The following BARD1 variants were observed in gnomAD, a reference collection of about 807,000 sequenced individuals.
BARD1 encodes the protein BRCA1-associated RING domain protein 1.
Under a neutral mutation model 77.0 loss-of-function variants are expected in BARD1, and 73 were observed. The ratio of observed to expected loss-of-function variants is 0.95; its 90% confidence interval spans 0.79 to 1.15. The LOEUF is 1.15. Among genes scored for constraint, BARD1 ranks in the 50% most tolerant of loss-of-function variants. BARD1 has a pLI of 0.00. For synonymous variants in BARD1, 384 were observed against 338.0 expected, an observed-to-expected ratio of 1.14 and a Z score of -1.49; for missense variants, 993 against 938.8, an observed-to-expected ratio of 1.06 and a Z score of -0.75.
chr2:214,776,473 T>C (rs1694742219), intron 4 of BARD1, among the ~76,000 whole-genome samples: 2 of 152,188 alleles, frequency 1.3e-5, no homozygotes, highest in South Asian at 2.1e-4. Flanking sequence ...CAGTTTAACA[T>C]AGCTGATGCA....
chr2:214,730,649 C>A lies in BARD1; in HGVS notation c.1904-141G>T, dbSNP rs527409471. The A allele has an allele frequency of 4.3e-6, 3 of 704,180 alleles. No homozygotes were observed. In the Admixed American group the frequency reaches 7.0e-5, roughly 16 times the overall value. 43.6% of individuals were successfully genotyped at this position (704,180 alleles called of 1,614,324 possible). A position where few individuals can be genotyped will look rare whatever the true frequency, so the allele number is the denominator to read the frequency against. ...ATTATTCTAAAATGCAAACAGAAATCTTACTTATGCCAAAACAAAATGTAA... is the reference window on the plus strand; with the variant it reads ...ATTATTCTAAAATGCAAACAGAAATATTACTTATGCCAAAACAAAATGTAA... On this transcript the variant is annotated intron_variant, in intron 9 of 10. Coordinates refer to ENST00000260947, the MANE Select transcript of BARD1 (RefSeq NM_000465.4).
chr2:214,765,780 C>T (rs900215817), intron 6 of BARD1, among the ~76,000 whole-genome samples: 4 of 151,916 alleles, frequency 2.6e-5, no homozygotes, highest in Admixed American at 6.6e-5. Flanking sequence ...AAATAAAAAC[C>T]GGAAGAATAT....
chr2:214,740,087 C>T (rs915807460), intron 9 of BARD1, among the ~76,000 whole-genome samples: 2 of 151,586 alleles, frequency 1.3e-5, no homozygotes, highest in Non-Finnish European at 3.0e-5. Flanking sequence ...GGTTAAAAAC[C>T]GAACACAGTC....
At chr2:214,807,606 T>G (rs962636936) in intron 1 of BARD1, among the ~76,000 whole-genome samples, 1 of 152,228 alleles carries the variant, frequency 6.6e-6, no homozygotes, top group Non-Finnish European at 1.5e-5. Flanking sequence ...TATTGTCTGC[T>G]TTGTTCACTA....
chr2:214,752,279 C>T (rs112174485), intron 7 of BARD1, among the ~76,000 whole-genome samples, 168 bp downstream of exon 7: 6 of 152,058 alleles, frequency 3.9e-5, no homozygotes, highest in South Asian at 2.1e-4. Flanking sequence ...TCTAGATGGT[C>T]GTACTGTGAT....
At chr2:214,756,063 C>T (rs926210983) in intron 6 of BARD1, among the ~76,000 whole-genome samples, 22 of 152,040 alleles carry the variant, frequency 1.4e-4, no homozygotes, top group Non-Finnish European at 2.4e-4. Flanking sequence ...ATATACTTTA[C>T]CTATACTGAT....
At chr2:214,738,245 C>T (rs1235294742) in intron 9 of BARD1, among the ~76,000 whole-genome samples, 3 of 152,102 alleles carry the variant, frequency 2.0e-5, no homozygotes, top group Non-Finnish European at 4.4e-5. Context: ...TTCTTTTAGC[C>T]CAGGTGTATT....
intron 6 of BARD1, among the ~76,000 whole-genome samples, chr2:214,758,303 T>C (rs1485994612): frequency 2.0e-5 from 3 of 152,212 alleles, no homozygotes; most frequent in African/African-American, 7.2e-5. Context: ...TTTTACAGGA[T>C]TGTTGCCAGA....
intron 4 of BARD1, among the ~76,000 whole-genome samples, chr2:214,778,014 G>A (rs945572550): frequency 7.2e-5 from 11 of 152,084 alleles, no homozygotes; most frequent in Non-Finnish European, 1.5e-5. Flanking sequence ...TGGCCAACAT[G>A]GTGAAACTCC....
chr2:214,745,638 T>C (rs1693068033), intron 8 of BARD1, 84 bp downstream of exon 8: 6 of 1,526,558 alleles, frequency 3.9e-6, no homozygotes, highest in Non-Finnish European at 5.4e-6. Context: ...TTAAAACATA[T>C]GTAAATTATC....
chr2:214,765,017 C>T (rs1273756510), intron 6 of BARD1, among the ~76,000 whole-genome samples: 1 of 152,162 alleles, frequency 6.6e-6, no homozygotes, highest in Non-Finnish European at 1.5e-5. Context: ...ACCCTACTTC[C>T]CAACTGCCCA....
At chr2:214,778,518 C>T (rs1004596853) in intron 4 of BARD1, among the ~76,000 whole-genome samples, 3 of 152,010 alleles carry the variant, frequency 2.0e-5, no homozygotes, top group Admixed American at 6.6e-5. Flanking sequence ...TAATCTTGAA[C>T]GTATTAATAG....
In BARD1 at chr2:214,772,945, T is replaced by C. The variant is rs142261324; in HGVS notation, c.1315-3633A>G. Among the ~76,000 whole-genome samples the C allele has an allele frequency of 4.0e-3, 612 of 152,332 alleles. 3 individuals are homozygous for C. Among genetic ancestry groups the C allele is most frequent in the African/African-American group, 0.014 (571 of 41,584 alleles). ...CACAACTTGAAAGAATAATTGAACT[T>C]TTCTTAAACCACAGCAAACATAATT... On this transcript the variant is annotated intron_variant, in intron 4 of 10. Coordinates refer to ENST00000260947, the MANE Select transcript of BARD1 (RefSeq NM_000465.4).
intron 7 of BARD1, among the ~76,000 whole-genome samples, chr2:214,750,328 G>A (rs531763996): frequency 2.6e-5 from 4 of 152,234 alleles, no homozygotes; most frequent in Admixed American, 1.3e-4. Context: ...TAAACACACT[G>A]AAGGTACCCT....
intron 3 of BARD1, among the ~76,000 whole-genome samples, chr2:214,785,721 AAAAG>A (rs144904566): frequency 0.017 from 2,599 of 151,970 alleles, 23 homozygotes; most frequent in Middle Eastern, 0.034. Flanking sequence ...CCCAGAAAAA[AAAAG>A]AAAGAAAGAA....
At chr2:214,778,519 G>A (rs543875540) in intron 4 of BARD1, among the ~76,000 whole-genome samples, 138 of 152,152 alleles carry the variant, frequency 9.1e-4, no homozygotes, top group African/African-American at 3.3e-3. Flanking sequence ...AATCTTGAAC[G>A]TATTAATAGA....
chr2:214,749,295 A>G (rs149021489), intron 7 of BARD1, among the ~76,000 whole-genome samples: 24 of 152,264 alleles, frequency 1.6e-4, no homozygotes, highest in Admixed American at 4.6e-4. Flanking sequence ...GTGAGTGAAG[A>G]AGAGACTGGT....
intron 6 of BARD1, among the ~76,000 whole-genome samples, chr2:214,760,354 G>A (rs180912785): frequency 4.6e-5 from 7 of 151,886 alleles, no homozygotes; most frequent in South Asian, 4.2e-4. Flanking sequence ...CGCCACACCC[G>A]GCTAATTTTT....
At chr2:214,772,414 T>C (rs1208645184) in intron 4 of BARD1, among the ~76,000 whole-genome samples, 1 of 151,878 alleles carries the variant, frequency 6.6e-6, no homozygotes. Flanking sequence ...AAAAACCTTC[T>C]CAAAGATTTC....
Sources: gnomAD v4.1 joint callset for allele counts (sites outside exome capture counted in the v4.1 genomes callset) on GRCh38, gnomAD v4.1.1 for gene constraint, MANE v1.5 for transcripts, NCBI Gene and HGNC (gene_info 2026-07-23, HGNC 2026-07-21) for gene names.